The following ENOX1 variants were observed in gnomAD, a reference collection of about 807,000 sequenced individuals.
ENOX1 encodes the protein ecto-NOX disulfide-thiol exchanger 1, also known as candidate growth-related and time keeping constitutive hydroquinone (NADH) oxidase.
ENOX1 carries 42 observed loss-of-function variants against 82.5 expected under a neutral mutation model. That is an observed-to-expected ratio of 0.51 (90% CI 0.40 to 0.66). ENOX1 has a LOEUF of 0.66. Ranked by LOEUF, ENOX1 falls within the 30% of genes least tolerant of loss-of-function variation. The pLI is 0.00. For synonymous variants in ENOX1, 271 were observed against 282.2 expected, an observed-to-expected ratio of 0.96 and a Z score of 0.40; for missense variants, 608 against 811.6, an observed-to-expected ratio of 0.75 and a Z score of 3.05.
At chr13:43,746,431 C>T (rs1950024394) in intron 1 of ENOX1, among the ~76,000 whole-genome samples, 1 of 151,894 alleles carries the variant, frequency 6.6e-6, no homozygotes, top group African/African-American at 2.4e-5. Flanking sequence ...TTAAGAGGAG[C>T]TTTGAAGGGC....
chr13:43,219,053 G>C (rs955958965), intron 16 of ENOX1, among the ~76,000 whole-genome samples: 6 of 152,114 alleles, frequency 3.9e-5, no homozygotes, highest in East Asian at 1.9e-4. Flanking sequence ...TGAGCTCTGA[G>C]TGAAGTTTAC....
chr13:43,364,409 A>G (rs2050714854), intron 5 of ENOX1, among the ~76,000 whole-genome samples: 1 of 152,266 alleles, frequency 6.6e-6, no homozygotes, highest in Admixed American at 6.5e-5. Flanking sequence ...CTGAAATGAC[A>G]GGAAGGAAGG....
intron 3 of ENOX1, chr13:43,459,096 C>G (rs1262481774): frequency 6.6e-6 from 1 of 152,200 alleles, no homozygotes; most frequent in South Asian, 2.1e-4. Context: ...CCTCCTATAG[C>G]AGCATACAAA....
intron 9 of ENOX1, among the ~76,000 whole-genome samples, chr13:43,328,187 G>C (rs1382709850): frequency 2.6e-5 from 4 of 152,218 alleles, no homozygotes; most frequent in African/African-American, 9.6e-5. Flanking sequence ...TAGTGCTCTG[G>C]TTGGCTGTCC....
intron 2 of ENOX1, among the ~76,000 whole-genome samples, chr13:43,514,968 C>T (rs1180529110): frequency 6.6e-6 from 1 of 152,092 alleles, no homozygotes; most frequent in Non-Finnish European, 1.5e-5. Context: ...TTGAGGCACC[C>T]ACAGTTTCAA....
chr13:43,234,235 T>C (rs1002224438), intron 15 of ENOX1, among the ~76,000 whole-genome samples: 1 of 152,192 alleles, frequency 6.6e-6, no homozygotes, highest in African/African-American at 2.4e-5. Flanking sequence ...CTCTTTCCCA[T>C]TGTGGCATTC....
chr13:43,659,379 A>G (rs893938236), intron 2 of ENOX1, among the ~76,000 whole-genome samples: 2 of 151,994 alleles, frequency 1.3e-5, no homozygotes, highest in African/African-American at 4.8e-5. Context: ...AATCCCAGCT[A>G]CTAGGGAGGC....
intron 1 of ENOX1, among the ~76,000 whole-genome samples, chr13:43,745,592 C>T (rs1949980699): frequency 6.6e-6 from 1 of 152,092 alleles, no homozygotes; most frequent in African/African-American, 2.4e-5. Context: ...ATAGAAACAA[C>T]TAAAATATCC....
chr13:43,276,697 A>G (rs571639773), intron 12 of ENOX1, among the ~76,000 whole-genome samples: 2 of 152,358 alleles, frequency 1.3e-5, no homozygotes, highest in African/African-American at 2.4e-5. Flanking sequence ...TCAAGTGAAC[A>G]TTATCACAAC....
intron 11 of ENOX1, among the ~76,000 whole-genome samples, chr13:43,317,088 C>T (rs900939039): frequency 1.3e-5 from 2 of 152,244 alleles, no homozygotes; most frequent in Non-Finnish European, 2.9e-5. Flanking sequence ...CCACTCAACA[C>T]AGACACCCCT....
intron 2 of ENOX1, among the ~76,000 whole-genome samples, chr13:43,607,036 CA>C (rs1489000213): frequency 6.6e-6 from 1 of 151,852 alleles, no homozygotes; most frequent in South Asian, 2.1e-4. Flanking sequence ...CAGTATTTGA[CA>C]GCACAATAGA....
chr13:43,309,188 A>G (rs957768279), intron 11 of ENOX1, among the ~76,000 whole-genome samples: 2 of 151,658 alleles, frequency 1.3e-5, no homozygotes, highest in Admixed American at 1.3e-4. Context: ...CACCTGGCTA[A>G]TTTTTGTATT....
chr13:43,503,263 C>T (rs2077042757), intron 2 of ENOX1, among the ~76,000 whole-genome samples: 1 of 151,530 alleles, frequency 6.6e-6, no homozygotes, highest in Admixed American at 6.6e-5. Flanking sequence ...CTTGAGATAT[C>T]AAACAAAAAT....
intron 1 of ENOX1, among the ~76,000 whole-genome samples, chr13:43,698,775 A>C (rs2086769024): frequency 6.6e-6 from 1 of 152,214 alleles, no homozygotes; most frequent in Admixed American, 6.5e-5. Context: ...CACTAGAGAT[A>C]TATTTATTCA....
At chr13:43,241,610 A>G (rs2153462017) in intron 14 of ENOX1, among the ~76,000 whole-genome samples, 1 of 152,334 alleles carries the variant, frequency 6.6e-6, no homozygotes, top group Non-Finnish European at 1.5e-5. Context: ...ACAATTCTGC[A>G]CTTGACATGA....
At chr13:43,457,581 G>A (rs1032804824) in intron 3 of ENOX1, among the ~76,000 whole-genome samples, 8 of 152,072 alleles carry the variant, frequency 5.3e-5, no homozygotes, top group African/African-American at 1.7e-4. Context: ...CAGAACAGCA[G>A]GAAGACTGGC....
chr13:43,632,754 T>A (rs911361979), intron 2 of ENOX1, among the ~76,000 whole-genome samples: 10 of 152,166 alleles, frequency 6.6e-5, no homozygotes, highest in Non-Finnish European at 1.3e-4. Flanking sequence ...GCCTGATTTT[T>A]ATAATTTTAA....
intron 3 of ENOX1, among the ~76,000 whole-genome samples, chr13:43,417,708 T>C (rs1291445739): frequency 6.6e-6 from 1 of 152,176 alleles, no homozygotes; most frequent in Non-Finnish European, 1.5e-5. Flanking sequence ...CTGAATACAG[T>C]AGGTGATAAT....
At chr13:43,665,785 C>T (rs2084947778) in intron 2 of ENOX1, among the ~76,000 whole-genome samples, 1 of 151,562 alleles carries the variant, frequency 6.6e-6, no homozygotes, top group Non-Finnish European at 1.5e-5. Context: ...AAGGCAAGAG[C>T]TCCCTGAGGA....
Sources: gnomAD v4.1 joint callset for allele counts (sites outside exome capture counted in the v4.1 genomes callset) on GRCh38, gnomAD v4.1.1 for gene constraint, MANE v1.5 for transcripts, NCBI Gene and HGNC (gene_info 2026-07-23, HGNC 2026-07-21) for gene names.